The following NKX2-2 variants were observed in gnomAD, a reference collection of about 807,000 sequenced individuals.
NKX2-2 encodes NK2 homeobox 2, also known as homeobox protein Nkx-2.2.
NKX2-2 carries 8 observed loss-of-function variants against 24.6 expected under a neutral mutation model. The ratio of observed to expected loss-of-function variants is 0.32; its 90% CI spans 0.19 to 0.59. The LOEUF is 0.59. Ranked by LOEUF, NKX2-2 falls within the 20% of genes least tolerant of loss-of-function variation. The pLI, the probability that NKX2-2 is intolerant of heterozygous loss-of-function variation, is 0.86. For missense variants in NKX2-2, 381 were observed against 373.9 expected (o/e 1.02, Z -0.16); for synonymous variants, 217 against 173.3 (o/e 1.25, Z -1.98).
chr20:21,516,522 G>A (rs569039394), upstream of NKX2-2, among the ~76,000 whole-genome samples: 1 of 152,060 alleles, frequency 6.6e-6, no homozygotes, highest in Non-Finnish European at 1.5e-5. Context: ...TCGGGGAAGC[G>A]TCGAGTTTGG....
At chr20:21,514,368 A>G (rs1244943063), upstream of NKX2-2, among the ~76,000 whole-genome samples, 1 of 151,682 alleles carries the variant, frequency 6.6e-6, no homozygotes, top group Non-Finnish European at 1.5e-5. Context: ...GAGAGGTGTA[A>G]CGTGTCAATT....
At position 21,512,436 on chromosome 20, in the gene NKX2-2, G is replaced by T; in HGVS notation, c.309C>A (p.Ser103=). 1 of 1,590,214 alleles carries T rather than the reference G, an allele frequency of 6.3e-7. No homozygotes were observed. Among genetic ancestry groups the T allele is most frequent in the Non-Finnish European group, 8.5e-7 (1 of 1,175,024 alleles). ...GAPPQDSSSK[S]PEPSADESPD... is the part of the protein sequence containing the mutation. ...GTGACTCGTCGGCCGAGGGCTCCGG[G>T]GACTTGGAGCTTGAGTCCTGAGGGG... is the stretch of plus-strand genomic sequence containing the variant. Residue 103 remains serine (S), a synonymous_variant, in exon 2 of 2, where the codon TCC becomes TCA. Coordinates refer to ENST00000377142, the MANE Select transcript of NKX2-2 (RefSeq NM_002509.4).
upstream of NKX2-2, among the ~76,000 whole-genome samples, chr20:21,516,815 C>T (rs575425487): frequency 2.0e-5 from 3 of 152,258 alleles, no homozygotes; most frequent in East Asian, 5.8e-4. Flanking sequence ...CCCCAGAGCC[C>T]TCTTAGGTGG....
At position 21,511,821 on chromosome 20, in the gene NKX2-2, A is replaced by G; in HGVS notation, c.*102T>C. 1.3e-6 allele frequency: 1 copy of G among 753,096 alleles called. No individual in the cohort carries two copies. Among genetic ancestry groups the G allele is most frequent in the Non-Finnish European group, 1.9e-6 (1 of 513,080 alleles). 46.7% of individuals were successfully genotyped at this position (753,096 alleles called of 1,614,324 possible). ...TCAACTCGACTCCATAATAATAATT[A>G]TAATAATAATAATAACCACCATAAG... On this transcript the variant is annotated 3_prime_UTR_variant, in exon 2 of 2. Transcript: ENST00000377142.
chr20:21,521,728 C>T, the NKX2-2 span, among the ~76,000 whole-genome samples: 1 of 152,218 alleles, frequency 6.6e-6, no homozygotes. Context: ...GCCGCCCCTT[C>T]CTCACCGCGG....
At position 21,513,583 on chromosome 20, in the gene NKX2-2, G is replaced by T. The variant is rs1487039644; in HGVS notation, c.87C>A (p.Ala29=). ...PDTNDEEGSV[A]EGPEEENEGP... ...CCTCGTTCTCTTCCTCCGGACCTTCGGCCACAGAGCCCTCCTCATCGTTGG... is the reference window on the plus strand; with the variant it reads ...CCTCGTTCTCTTCCTCCGGACCTTCTGCCACAGAGCCCTCCTCATCGTTGG... The change falls in exon 1 of 2, where the codon GCC becomes GCA. Residue 29 remains alanine (A), a synonymous_variant. Transcript: ENST00000377142. This position sits in a 1 kb window ranked among gnomAD's most constrained non-coding sequence, Gnocchi z 4.6. The T allele has an allele frequency of 6.2e-7, 1 of 1,613,482 alleles. No individual in the cohort carries two copies. The highest frequency in any genetic ancestry group is 2.2e-5 in the East Asian group (1 of 44,808).
In NKX2-2 at chr20:21,511,887, C is replaced by T. The variant is rs1379394865; in HGVS notation, c.*36G>A. ...GCCGCCACCGCCGCCGGGGTGGGGCCTGGGCCTGGGGCCGCGAGTCTCGTT... is the reference window on the plus strand; with the variant it reads ...GCCGCCACCGCCGCCGGGGTGGGGCTTGGGCCTGGGGCCGCGAGTCTCGTT... On this transcript the variant is annotated 3_prime_UTR_variant, in exon 2 of 2. Transcript: ENST00000377142. 4 of 1,526,304 alleles carry T rather than the reference C, an allele frequency of 2.6e-6. No individual in the cohort carries two copies. The highest frequency in any genetic ancestry group is 2.3e-5 in the East Asian group (1 of 43,822). 94.5% of individuals were successfully genotyped at this position (1,526,304 alleles called of 1,614,324 possible). A position where few individuals can be genotyped will look rare whatever the true frequency, so the allele number is the denominator to read the frequency against.
rs1396479816 is a variant in NKX2-2, at chr20:21,512,185, C to G, written c.560G>C (p.Arg187Pro). 3.7e-6 allele frequency: 6 copies of G among 1,613,834 alleles called. No homozygotes were observed. The highest frequency in any genetic ancestry group is 5.1e-6 in the Non-Finnish European group (6 of 1,179,948). The change falls in exon 2 of 2, where the codon CGG (arginine) becomes CCG (proline). Residue 187 changes from arginine to proline, a missense_variant. Physicochemically the swap from Arg to Pro is moderately radical, Grantham distance 103. This residue lies in a region of NKX2-2 where 139 missense variants were observed against 121.7 expected (regional missense o/e 1.14). Coordinates refer to ENST00000377142, the MANE Select transcript of NKX2-2 (RefSeq NM_002509.4). ...CGTCACCTCCATACCTTTCTCGGCC[C>G]GGGCGCGCTTCATCTTGTAGCGGTG... ...QNHRYKMKRA[R>P]AEKGMEVTPL... is the part of the protein sequence containing the mutation.
At chr20:21,516,417 G>A (rs560547319), upstream of NKX2-2, among the ~76,000 whole-genome samples, 7 of 129,186 alleles carry the variant, frequency 5.4e-5, no homozygotes, top group African/African-American at 2.1e-4. Flanking sequence ...CTCGCTTTCC[G>A]TCTCTGTCTT....
upstream of NKX2-2, among the ~76,000 whole-genome samples, chr20:21,515,212 C>A (rs1292966352): frequency 6.6e-6 from 1 of 151,906 alleles, no homozygotes; most frequent in Non-Finnish European, 1.5e-5. Context: ...GGCCCCCTCC[C>A]TCTCCAGCCT....
the NKX2-2 span, among the ~76,000 whole-genome samples, chr20:21,521,977 C>T: frequency 4.6e-5 from 7 of 152,224 alleles, no homozygotes; most frequent in Non-Finnish European, 8.8e-5. Flanking sequence ...GCGGGTGCCG[C>T]GCCCCTCCCT....
chr20:21,513,502 C>T lies in NKX2-2; in HGVS notation c.168G>A (p.Val56=). 1 of 1,612,666 alleles carries T rather than the reference C, an allele frequency of 6.2e-7. No homozygotes were observed. Among genetic ancestry groups the T allele is most frequent in the African/African-American group, 1.3e-5 (1 of 74,950 alleles). The stretch of plus-strand genomic sequence containing the variant: ...AGGGGTTCTTCAGGGGCAGGCTCTG[C>T]ACCGCGTCCAGGGCGCCCTGCCCCA... ...GPLGQGALDA[V]QSLPLKNPFY... The change falls in exon 1 of 2, where the codon GTG becomes GTA. Residue 56 remains valine, a synonymous_variant. Coordinates refer to ENST00000377142, the MANE Select transcript of NKX2-2 (RefSeq NM_002509.4). This position sits in a 1 kb window ranked among gnomAD's most constrained non-coding sequence, Gnocchi z 4.6.
At chr20:21,522,372 C>A in the NKX2-2 span, among the ~76,000 whole-genome samples, 12 of 152,182 alleles carry the variant, frequency 7.9e-5, no homozygotes, top group African/African-American at 2.9e-4. Context: ...CCGCGGTGAC[C>A]GTGCCCGGAG....
In NKX2-2 at chr20:21,513,638, G is replaced by A. The variant is rs753385322; in HGVS notation, c.32C>T (p.Ser11Leu). The A allele has an allele frequency of 3.8e-6, 6 of 1,594,402 alleles. No homozygotes were observed. In the East Asian group the frequency reaches 9.2e-5, roughly 24 times the overall value. The change falls in exon 1 of 2, where the codon TCG becomes TTG. Residue 11 changes from serine to leucine, a missense_variant. Ser to Leu is a moderately radical substitution (Grantham distance 145). Transcript: ENST00000377142. The surrounding 1 kb of genome is among the most constrained non-coding windows in gnomAD (Gnocchi z 4.6). ...CGGCAGGTCTAAGATGTCCTTGACC[G>A]AAAACCCCGTCTTTGTGTTGGTCAG... Reference protein sequence around the residue: MSLTNTKTGFSVKDILDLPDT... With the variant: MSLTNTKTGFLVKDILDLPDT...
upstream of NKX2-2, among the ~76,000 whole-genome samples, chr20:21,517,643 G>T (rs1313056897): frequency 2.0e-5 from 3 of 152,208 alleles, no homozygotes; most frequent in Non-Finnish European, 4.4e-5. Context: ...CCAGCTGGCG[G>T]CCAGGGCAAG....
upstream of NKX2-2, among the ~76,000 whole-genome samples, chr20:21,517,907 G>A (rs925853332): frequency 6.6e-6 from 1 of 152,172 alleles, no homozygotes; most frequent in African/African-American, 2.4e-5. Flanking sequence ...CCCCTCCGGA[G>A]GGTTCTTCAG....
At chr20:21,519,526 A>G in the NKX2-2 span, among the ~76,000 whole-genome samples, 2 of 152,184 alleles carry the variant, frequency 1.3e-5, no homozygotes, top group African/African-American at 2.4e-5. Context: ...ATGTCACCCA[A>G]TCTGGTCCCT....
chr20:21,511,660 T>G lies in NKX2-2; in HGVS notation c.*263A>C. ...GCAAAGAAGCGAAGCTGCGCAAACA[T>G]TCTGTAAACACGGCGTAGAGTTCAG... On this transcript the variant is annotated 3_prime_UTR_variant, in exon 2 of 2. Transcript: ENST00000377142. 2.9e-6 allele frequency: 1 copy of G among 342,132 alleles called. No homozygotes were observed. Among genetic ancestry groups the G allele is most frequent in the Non-Finnish European group, 5.2e-6 (1 of 192,076 alleles). The allele number at this position is 342,132 out of a possible 1,614,324, so 21.2% of individuals were successfully genotyped here.
the NKX2-2 span, among the ~76,000 whole-genome samples, chr20:21,521,217 A>G: frequency 3.3e-5 from 5 of 152,010 alleles, no homozygotes; most frequent in South Asian, 1.0e-3. Context: ...CCTAGACGCA[A>G]CGTCCCCTTT....
Sources: gnomAD v4.1 joint callset for allele counts (sites outside exome capture counted in the v4.1 genomes callset) on GRCh38, gnomAD v4.1.1 for gene constraint, gnomAD v4.1.1 regional missense constraint, Gnocchi (gnomAD v3.1) non-coding constraint, MANE v1.5 for transcripts, NCBI Gene and HGNC (gene_info 2026-07-23, HGNC 2026-07-21) for gene names.